The following OR51B5 variants were observed in gnomAD, a reference collection of about 807,000 sequenced individuals.
OR51B5 encodes olfactory receptor family 51 subfamily B member 5.
For missense variants in OR51B5, 456 were observed against 374.6 expected (o/e 1.22, Z -1.79); for synonymous variants, 186 against 144.8 (o/e 1.28, Z -2.04).
intron 1 of OR51B5, among the ~76,000 whole-genome samples, chr11:5,374,446 C>T (rs28865049): frequency 6.6e-6 from 1 of 152,112 alleles, no homozygotes; most frequent in East Asian, 1.9e-4. Flanking sequence ...CAAAGGAAAG[C>T]AGTTCCTCAC....
chr11:5,462,136 C>T (rs1410175185), intron 1 of OR51B5, among the ~76,000 whole-genome samples: 23 of 152,160 alleles, frequency 1.5e-4, no homozygotes, highest in Non-Finnish European at 8.8e-5. Flanking sequence ...ATGCTTTTGT[C>T]TTGCCCTGTC....
chr11:5,418,127 T>C lies in OR51B5; in HGVS notation n.85-71217A>G, dbSNP rs28882223. 8.7e-3 allele frequency among the ~76,000 whole-genome samples: 1,309 copies of C among 150,838 alleles called. 21 individuals are homozygous for C. The highest frequency in any genetic ancestry group is 0.03 in the African/African-American group (1,252 of 41,064). On this transcript the variant is annotated intron_variant and non_coding_transcript_variant, in intron 1 of 4. Transcript: ENST00000415970. The stretch of plus-strand genomic sequence containing the variant: ...GTAGGGACATGGATGAAGTTGGAAA[T>C]CCTCATTCTCAGTAAACTATTGCAA...
At chr11:5,422,047 C>T (rs1436383444) in intron 1 of OR51B5, 2 of 629,268 alleles carry the variant, frequency 3.2e-6, no homozygotes, top group Admixed American at 6.1e-5. Flanking sequence ...TATCATATAT[C>T]ACAATGTTCT....
intron 1 of OR51B5, among the ~76,000 whole-genome samples, chr11:5,385,795 TA>T (rs1849682198): frequency 7.0e-6 from 1 of 142,516 alleles, no homozygotes; most frequent in South Asian, 2.2e-4. Flanking sequence ...ACCCTATACT[TA>T]TATATAAAAA....
At chr11:5,387,321 T>C (rs572343087) in intron 1 of OR51B5, among the ~76,000 whole-genome samples, 2 of 152,262 alleles carry the variant, frequency 1.3e-5, no homozygotes, top group East Asian at 3.9e-4. Flanking sequence ...GACTCTCCAT[T>C]GCATTTGGCC....
At chr11:5,395,056 C>T (rs1351948264) in intron 1 of OR51B5, among the ~76,000 whole-genome samples, 2 of 152,214 alleles carry the variant, frequency 1.3e-5, no homozygotes, top group African/African-American at 4.8e-5. Context: ...TCCTCTGGCT[C>T]ACTGAAATAC....
intron 1 of OR51B5, chr11:5,352,162 A>T (rs779552741): frequency 6.2e-7 from 1 of 1,614,088 alleles, no homozygotes; most frequent in African/African-American, 1.3e-5. Context: ...CTACATTTTG[A>T]TTCTCAAGAC....
At chr11:5,395,775 A>T (rs1849860787) in intron 1 of OR51B5, among the ~76,000 whole-genome samples, 1 of 152,192 alleles carries the variant, frequency 6.6e-6, no homozygotes, top group African/African-American at 2.4e-5. Flanking sequence ...ATATGGAAGG[A>T]TTGTCCAAAA....
rs1434909838 is a variant in OR51B5, at chr11:5,417,184, C to T, written n.85-70274G>A. Among the ~76,000 whole-genome samples, 7 of 152,008 alleles carry T rather than the reference C, an allele frequency of 4.6e-5. No individual in the cohort carries two copies. The South Asian group carries it at 8.3e-4, about 18-fold the overall frequency. On this transcript the variant is annotated intron_variant and non_coding_transcript_variant, in intron 1 of 4. Transcript: ENST00000415970. ...CAAAAACAAGCAATGGGAAAGGATT[C>T]CCTATTTAATAAATGGTGCTGGGAA...
chr11:5,413,075 CTCT>C (rs1396062935), intron 1 of OR51B5, among the ~76,000 whole-genome samples: 3 of 152,202 alleles, frequency 2.0e-5, no homozygotes, highest in African/African-American at 7.2e-5. Context: ...CCTGATACTC[CTCT>C]GAGACAAAAC....
At chr11:5,348,125 T>A (rs1460017407), upstream of OR51B5, among the ~76,000 whole-genome samples, 1 of 152,142 alleles carries the variant, frequency 6.6e-6, no homozygotes, top group African/African-American at 2.4e-5. Flanking sequence ...AGAGTAGATA[T>A]ATGTAGTAGG....
rs191745148 is a variant in OR51B5 at position 5,503,829 on chromosome 11, G to T, written n.84+1740C>A. 6.8e-4 allele frequency among the ~76,000 whole-genome samples: 103 copies of T among 152,224 alleles called. 2 individuals are homozygous for T. The East Asian group carries it at 0.017, about 25-fold the overall frequency. ...TCTGCCCTGCTCTACTTTTTGAGGG[G>T]TAAGGATTAAAGCATAAATTAAATT... is the stretch of plus-strand genomic sequence containing the variant. On this transcript the variant is annotated intron_variant and non_coding_transcript_variant, in intron 1 of 4. Coordinates refer to the OR51B5 transcript ENST00000415970.
In OR51B5 at chr11:5,495,826, G is replaced by A. The variant is rs536311433; in HGVS notation, n.84+9743C>T. Among the ~76,000 whole-genome samples the A allele has an allele frequency of 7.3e-4, 111 of 152,190 alleles. 2 individuals carry two copies. Among genetic ancestry groups the A allele is most frequent in the South Asian group, 5.2e-3 (25 of 4,820 alleles). ...ATAAAACAAGATCCAACTATATACC[G>A]CCTGCAAAAGACTCACTTTAGCTTT... On this transcript the variant is annotated intron_variant and non_coding_transcript_variant, in intron 1 of 4. Coordinates refer to the OR51B5 transcript ENST00000415970.
intron 1 of OR51B5, chr11:5,431,430 T>A (rs1046620945): frequency 4.7e-6 from 1 of 214,998 alleles, no homozygotes; most frequent in Non-Finnish European, 9.4e-6. Context: ...CATGGGCTCA[T>A]GTAGGGCAGA....
rs61738484 is a variant in OR51B5, at chr11:5,343,241, C to A, written c.284G>T (p.Cys95Phe). 7.4e-6 allele frequency: 12 copies of A among 1,613,636 alleles called. No individual in the cohort carries two copies. Among genetic ancestry groups the A allele is most frequent in the African/African-American group, 1.3e-5 (1 of 74,848 alleles). Residue 95 changes from cysteine to phenylalanine, a missense_variant, in exon 1 of 1, where the codon TGC becomes TTC. Coordinates refer to ENST00000300773, the Ensembl canonical transcript of OR51B5. ...GTGTATAAAGTAGGCCTGGGAAAAG[C>A]AGGCCGCACTTCCAATCTCCCTGTG...
intron 1 of OR51B5, among the ~76,000 whole-genome samples, chr11:5,387,383 T>TA (rs747253491): frequency 3.3e-5 from 5 of 152,014 alleles, no homozygotes; most frequent in South Asian, 2.1e-4. Flanking sequence ...AAGTGGGTTT[T>TA]AAAAAAAACA....
chr11:5,438,103 G>T (rs1231458544), intron 1 of OR51B5, among the ~76,000 whole-genome samples: 1 of 152,098 alleles, frequency 6.6e-6, no homozygotes, highest in Non-Finnish European at 1.5e-5. Flanking sequence ...TCATGACCTT[G>T]TAAGTTAGGT....
At chr11:5,383,272 T>A (rs561253925) in intron 1 of OR51B5, among the ~76,000 whole-genome samples, 1 of 152,138 alleles carries the variant, frequency 6.6e-6, no homozygotes, top group African/African-American at 2.4e-5. Context: ...GGATTGAATA[T>A]GCAAGATTGA....
At chr11:5,340,844 ATATT>A (rs1848882162), downstream of OR51B5, 2 of 152,196 alleles carry the variant, frequency 1.3e-5, no homozygotes, top group African/African-American at 4.8e-5. Flanking sequence ...CTACCCCACA[ATATT>A]TTTATGAATA....
Sources: allele counts gnomAD v4.1 joint callset (sites outside exome capture counted in the v4.1 genomes callset), GRCh38; gene constraint gnomAD v4.1.1; transcripts MANE v1.5; gene names NCBI Gene and HGNC (gene_info 2026-07-23, HGNC 2026-07-21).